Variants in ACTR3C observed in about 807,000 individuals in gnomAD.
The protein encoded by ACTR3C is actin-related protein 3C.
ACTR3C carries 18 observed loss-of-function variants against 26.3 expected under a neutral mutation model. The ratio of observed to expected loss-of-function variants is 0.68; its 90% CI spans 0.47 to 1.01. The LOEUF is 1.01. ACTR3C is among the 50% of genes least tolerant of loss of function. The pLI, the probability that ACTR3C is intolerant of heterozygous loss-of-function variation, is 0.00. For synonymous variants in ACTR3C, 55 were observed against 94.5 expected, an observed-to-expected ratio of 0.58 and a Z score of 2.42; for missense variants, 184 against 250.7, an observed-to-expected ratio of 0.73 and a Z score of 1.80.
chr7:150,115,900 A>C, the ACTR3C span, among the ~76,000 whole-genome samples: 1 of 152,210 alleles, frequency 6.6e-6, no homozygotes, highest in Non-Finnish European at 1.5e-5. Flanking sequence ...TGCATAGTGC[A>C]AAGATTCTTT....
the ACTR3C span, among the ~76,000 whole-genome samples, chr7:150,041,168 C>G: frequency 6.6e-6 from 1 of 150,410 alleles, no homozygotes; most frequent in African/African-American, 2.5e-5. Context: ...GAAAAACTTG[C>G]TGTTGTTGGG....
At chr7:150,143,242 T>C in the ACTR3C span, among the ~76,000 whole-genome samples, 1 of 152,068 alleles carries the variant, frequency 6.6e-6, no homozygotes, top group Admixed American at 6.5e-5. Context: ...CTGAAACGCA[T>C]TTTGTTTAGC....
At chr7:150,061,571 G>A in the ACTR3C span, among the ~76,000 whole-genome samples, 6 of 44,678 alleles carry the variant, frequency 1.3e-4, no homozygotes, top group Non-Finnish European at 1.8e-4. Flanking sequence ...ATAACCATAC[G>A]TTTCACATGC....
chr7:150,204,098 A>G, the ACTR3C span, among the ~76,000 whole-genome samples: 21 of 149,984 alleles, frequency 1.4e-4, no homozygotes, highest in Admixed American at 1.3e-3. Context: ...GGTCAGGAAA[A>G]GGAAAGTACA....
chr7:150,146,583 A>G, the ACTR3C span, among the ~76,000 whole-genome samples: 1 of 152,086 alleles, frequency 6.6e-6, no homozygotes, highest in South Asian at 2.1e-4. Flanking sequence ...GCTATTCCAC[A>G]TTTCTTGGCC....
the ACTR3C span, chr7:150,002,742 T>C: frequency 2.6e-5 from 4 of 152,226 alleles, no homozygotes; most frequent in Non-Finnish European, 5.9e-5. Context: ...CTAATCATTT[T>C]AATTGTTCAA....
At chr7:149,997,360 T>C in the ACTR3C span, among the ~76,000 whole-genome samples, 204 of 152,102 alleles carry the variant, frequency 1.3e-3, no homozygotes, top group Non-Finnish European at 1.8e-3. Context: ...ATTTTTTTCC[T>C]TTATAATTTA....
intron 2 of ACTR3C, among the ~76,000 whole-genome samples, chr7:150,294,792 CA>C (rs1311871376): frequency 4.0e-5 from 6 of 151,414 alleles, no homozygotes; most frequent in African/African-American, 9.7e-5. Flanking sequence ...CAAATGCAAC[CA>C]AAAAATATCA....
chr7:150,159,838 G>A, the ACTR3C span, among the ~76,000 whole-genome samples: 61,975 of 151,702 alleles, frequency 0.41, 13,386 homozygotes, highest in African/African-American at 0.54. Context: ...TCGCTCTGTG[G>A]CCCAGGCTCA....
the ACTR3C span, among the ~76,000 whole-genome samples, chr7:150,176,121 A>G: frequency 6.6e-6 from 1 of 150,890 alleles, no homozygotes; most frequent in African/African-American, 2.5e-5. Flanking sequence ...AAAAAAACAC[A>G]TATAATTTCC....
At chr7:150,105,126 G>A in the ACTR3C span, among the ~76,000 whole-genome samples, 10 of 140,470 alleles carry the variant, frequency 7.1e-5, no homozygotes, top group Non-Finnish European at 1.1e-4. Flanking sequence ...TCTTTCACCC[G>A]GGCCAGACTG....
At chr7:150,300,373 A>G (rs890978508) in intron 1 of ACTR3C, among the ~76,000 whole-genome samples, 1 of 152,198 alleles carries the variant, frequency 6.6e-6, no homozygotes, top group African/African-American at 2.4e-5. Context: ...CAACAAAAAA[A>G]GAAAGAACAA....
chr7:150,041,029 A>G, the ACTR3C span, among the ~76,000 whole-genome samples: 1 of 150,718 alleles, frequency 6.6e-6, no homozygotes, highest in African/African-American at 2.5e-5. Context: ...GGCCTCAGCC[A>G]GGGCCCCACA....
the ACTR3C span, among the ~76,000 whole-genome samples, chr7:150,003,535 G>A: frequency 1.3e-5 from 2 of 151,630 alleles, no homozygotes; most frequent in Non-Finnish European, 3.0e-5. Context: ...GTGGTATGTG[G>A]TATGTGCTGT....
At chr7:150,119,086 A>C in the ACTR3C span, among the ~76,000 whole-genome samples, 1 of 152,244 alleles carries the variant, frequency 6.6e-6, no homozygotes, top group African/African-American at 2.4e-5. Context: ...TCCTCAAGGA[A>C]GCACTAAATA....
the ACTR3C span, among the ~76,000 whole-genome samples, chr7:150,088,501 T>C: frequency 6.6e-6 from 1 of 152,202 alleles, no homozygotes; most frequent in African/African-American, 2.4e-5. Flanking sequence ...AAATTGAATA[T>C]ATGGACTAAA....
chr7:150,138,988 C>A, the ACTR3C span, among the ~76,000 whole-genome samples: 2 of 152,410 alleles, frequency 1.3e-5, no homozygotes, highest in East Asian at 3.9e-4. Flanking sequence ...TGTCTAGTTG[C>A]AGGAAAACAA....
the ACTR3C span, among the ~76,000 whole-genome samples, chr7:149,917,108 T>C: frequency 6.6e-6 from 1 of 151,604 alleles, no homozygotes; most frequent in Admixed American, 6.6e-5. Flanking sequence ...GGAGTTCCGC[T>C]CTTGTTGCCC....
chr7:150,017,303 C>T, the ACTR3C span, among the ~76,000 whole-genome samples: 15 of 151,716 alleles, frequency 9.9e-5, 1 homozygote, highest in Non-Finnish European at 1.5e-4. Flanking sequence ...CCGCAAGTTT[C>T]AAATTGTATT....
Sources: gnomAD v4.1 joint callset for allele counts (sites outside exome capture counted in the v4.1 genomes callset) on GRCh38, gnomAD v4.1.1 for gene constraint, MANE v1.5 for transcripts, NCBI Gene and HGNC (gene_info 2026-07-23, HGNC 2026-07-21) for gene names.